Variants in GNAI3 observed in about 807,000 individuals in gnomAD.
GNAI3 encodes G protein subunit alpha i3, also known as guanine nucleotide-binding protein G(i) subunit alpha-3.
In GNAI3, 12 loss-of-function variants were observed where a neutral mutation model predicts 41.8. That is an observed-to-expected ratio of 0.29 (90% CI 0.18 to 0.47). The LOEUF is 0.47. GNAI3 is among the 20% of genes least tolerant of loss of function. GNAI3 has a pLI of 1.00. For missense variants in GNAI3, 360 were observed against 429.6 expected (o/e 0.84, Z 1.43); for synonymous variants, 132 against 146.5 (o/e 0.90, Z 0.71).
intron 1 of GNAI3, among the ~76,000 whole-genome samples, chr1:109,560,136 A>G (rs975852867): frequency 6.6e-6 from 1 of 152,212 alleles, no homozygotes; most frequent in African/African-American, 2.4e-5. Flanking sequence ...TAGATACCTA[A>G]AAGTTTAAGA....
Position 109,586,861 on chromosome 1 carries a change from A to G in GNAI3, c.853A>G (p.Ile285Val), listed in dbSNP as rs1331410451. ...EEKIKRSPLT[I>V]CYPEYTGSNT... ...AAAAATAAAGAGGAGTCCGTTAACT[A>G]TCTGTTATCCAGAATACACAGGTAA... The change falls in exon 7 of 9, where the codon ATC (isoleucine) becomes GTC (valine). Residue 285 changes from isoleucine (I) to valine (V), a missense_variant. By Grantham distance (29) the Ile-to-Val change is conservative. Transcript: ENST00000369851. 1.2e-6 allele frequency: 2 copies of G among 1,601,926 alleles called. No homozygotes were observed. Among genetic ancestry groups the G allele is most frequent in the East Asian group, 4.5e-5 (2 of 44,762 alleles).
At chr1:109,574,245 T>G (rs1003396984) in intron 3 of GNAI3, among the ~76,000 whole-genome samples, 6 of 152,062 alleles carry the variant, frequency 3.9e-5, no homozygotes, top group Non-Finnish European at 8.8e-5. Flanking sequence ...GGAAATGGGA[T>G]TCTGTGGGTG....
chr1:109,549,303 A>G (rs1276674360), intron 1 of GNAI3, among the ~76,000 whole-genome samples: 3 of 151,866 alleles, frequency 2.0e-5, no homozygotes, highest in Non-Finnish European at 4.4e-5. Context: ...TGGATGGTAC[A>G]GAGACTGGAA....
Position 109,598,833 on chromosome 1 carries a change from T to C in GNAI3, c.*6511T>C, listed in dbSNP as rs1486666960. ...TTTACCTAGCAGGACCACCAGAGGC[T>C]CTGTCACACTTGCAGTCCCTGGCCC... On this transcript the variant is annotated 3_prime_UTR_variant, in exon 9 of 9. Coordinates refer to ENST00000369851, the MANE Select transcript of GNAI3 (RefSeq NM_006496.4). 5.7e-6 allele frequency: 3 copies of C among 525,394 alleles called. No homozygotes were observed. The highest frequency in any genetic ancestry group is 1.2e-5 in the Non-Finnish European group (3 of 252,680). The allele number at this position is 525,394 out of a possible 1,614,324, so 32.5% of individuals were successfully genotyped here.
chr1:109,566,723 G>C (rs958663091), intron 1 of GNAI3, among the ~76,000 whole-genome samples: 3 of 152,062 alleles, frequency 2.0e-5, no homozygotes, highest in African/African-American at 7.2e-5. Flanking sequence ...CACCATACCT[G>C]GCTAATTTTT....
intron 1 of GNAI3, among the ~76,000 whole-genome samples, chr1:109,564,989 G>A (rs1648412163): frequency 1.3e-5 from 2 of 152,038 alleles, no homozygotes; most frequent in Non-Finnish European, 1.5e-5. Context: ...ATAGCCAGGC[G>A]CGGTGGCTCA....
At chr1:109,569,113 C>T (rs1017927299) in intron 1 of GNAI3, among the ~76,000 whole-genome samples, 1 of 152,184 alleles carries the variant, frequency 6.6e-6, no homozygotes, top group Non-Finnish European at 1.5e-5. Flanking sequence ...ATCTCCGTGA[C>T]TTCACCTCTC....
chr1:109,560,035 A>T (rs1393388179), intron 1 of GNAI3, among the ~76,000 whole-genome samples: 1 of 152,228 alleles, frequency 6.6e-6, no homozygotes, highest in Non-Finnish European at 1.5e-5. Flanking sequence ...TGTTTGACTT[A>T]TACCTGAATA....
chr1:109,553,750 G>A (rs1648066709), intron 1 of GNAI3, among the ~76,000 whole-genome samples: 1 of 152,174 alleles, frequency 6.6e-6, no homozygotes, highest in South Asian at 2.1e-4. Context: ...AACAGGTTAT[G>A]TTTGGTTACG....
Position 109,598,432 on chromosome 1 carries a change from C to G in GNAI3, c.*6110C>G, listed in dbSNP as rs1283538063. The G allele has an allele frequency of 6.5e-6, 1 of 153,320 alleles. No individual in the cohort carries two copies. The highest frequency in any genetic ancestry group is 1.5e-5 in the Non-Finnish European group (1 of 68,830). The allele number at this position is 153,320 out of a possible 1,614,324, so 9.5% of individuals were successfully genotyped here. On this transcript the variant is annotated 3_prime_UTR_variant, in exon 9 of 9. Transcript: ENST00000369851. ...TAAAGATGGACTAAATTATTCCTTC[C>G]TGCTGTGATATTCTGTGGTTCTCAT...
rs1649210098 is a variant in GNAI3, at chr1:109,593,064, A to G, written c.*742A>G. 1 of 152,616 alleles carries G rather than the reference A, an allele frequency of 6.6e-6. No homozygotes were observed. The highest frequency in any genetic ancestry group is 1.5e-5 in the Non-Finnish European group (1 of 68,038). The allele number at this position is 152,616 out of a possible 1,614,324, so 9.5% of individuals were successfully genotyped here. A position where few individuals can be genotyped will look rare whatever the true frequency, so the allele number is the denominator to read the frequency against. The stretch of plus-strand genomic sequence containing the variant: ...TTAACCTTGTTTGTGCAGATTACCA[A>G]ATTACTGCTGATGTAGTATGATAAA... On this transcript the variant is annotated 3_prime_UTR_variant, in exon 9 of 9. Coordinates refer to ENST00000369851, the MANE Select transcript of GNAI3 (RefSeq NM_006496.4).
rs1407780609 is a variant in GNAI3, at chr1:109,548,791, G to A, written c.71G>A (p.Arg24Gln). ...ERSKMIDRNL[R>Q]EDGEKAAKEV... ...AGCAAGATGATCGACCGCAACTTAC[G>A]GGAGGACGGGGAAAAAGCGGCCAAA... The change falls in exon 1 of 9, where the codon CGG becomes CAG. Residue 24 changes from arginine to glutamine, a missense_variant. Physicochemically the swap from Arg to Gln is conservative, Grantham distance 43 (BLOSUM62 1). Coordinates refer to ENST00000369851, the MANE Select transcript of GNAI3 (RefSeq NM_006496.4). The A allele has an allele frequency of 6.2e-7, 1 of 1,612,858 alleles. No homozygotes were observed. The highest frequency in any genetic ancestry group is 1.7e-5 in the Admixed American group (1 of 59,874).
Position 109,599,859 on chromosome 1 carries a change from C to T in GNAI3, c.*7537C>T, listed in dbSNP as rs1649400722. ...GGAGCTTAGAAGAACAAGAAATTGG[C>T]TTTGATTTTATAGTGTATGGTGCTC... On this transcript the variant is annotated 3_prime_UTR_variant, in exon 9 of 9. Coordinates refer to ENST00000369851, the MANE Select transcript of GNAI3 (RefSeq NM_006496.4). The T allele has an allele frequency of 6.6e-6, 1 of 152,134 alleles. No homozygotes were observed. The highest frequency in any genetic ancestry group is 2.4e-5 in the African/African-American group (1 of 41,440). The allele number at this position is 152,134 out of a possible 1,614,324, so 9.4% of individuals were successfully genotyped here.
In GNAI3 at chr1:109,573,760, A is replaced by G. The variant is rs1264163466; in HGVS notation, c.142A>G (p.Thr48Ala). 6.2e-7 allele frequency: 1 copy of G among 1,612,456 alleles called. No individual in the cohort carries two copies. The highest frequency in any genetic ancestry group is 8.5e-7 in the Non-Finnish European group (1 of 1,178,514). Residue 48 changes from threonine to alanine, a missense_variant, in exon 2 of 9, where the codon ACC becomes GCC. Physicochemically the swap from Thr to Ala is moderately conservative, Grantham distance 58. Coordinates refer to ENST00000369851, the MANE Select transcript of GNAI3 (RefSeq NM_006496.4). Reference protein sequence around the residue: ...LLGAGESGKSTIVKQMKIIHE... With the variant: ...LLGAGESGKSAIVKQMKIIHE... ...AGGTGCTGGAGAATCTGGTAAAAGC[A>G]CCATTGTGAAACAGATGAAGTAAGT... is the stretch of plus-strand genomic sequence containing the variant.
At chr1:109,568,360 T>C (rs962020919) in intron 1 of GNAI3, among the ~76,000 whole-genome samples, 1 of 151,842 alleles carries the variant, frequency 6.6e-6, no homozygotes, top group Non-Finnish European at 1.5e-5. Flanking sequence ...ATAGTGAGAC[T>C]TCATCTCTAC....
chr1:109,548,988 T>C (rs1647905320), intron 1 of GNAI3, 150 bp downstream of exon 1: 2 of 456,504 alleles, frequency 4.4e-6, no homozygotes, highest in South Asian at 3.1e-5. Context: ...GGTTCCTAGC[T>C]GAGGCCCCAG....
In GNAI3 at chr1:109,548,630, C is replaced by A; in HGVS notation, c.-91C>A. The A allele has an allele frequency of 1.2e-6, 1 of 839,342 alleles. No homozygotes were observed. Among genetic ancestry groups the A allele is most frequent in the Non-Finnish European group, 2.0e-6 (1 of 510,156 alleles). The allele number at this position is 839,342 out of a possible 1,614,324, so 52.0% of individuals were successfully genotyped here. On this transcript the variant is annotated 5_prime_UTR_variant, in exon 1 of 9. Transcript: ENST00000369851. ...TAAGGGAGCTGACGGAGAGGGCCAC[C>A]GCCCAGCAATAGACGGTGCCTCAGC... is the stretch of plus-strand genomic sequence containing the variant.
chr1:109,550,802 G>A (rs1053891857), intron 1 of GNAI3, among the ~76,000 whole-genome samples: 4 of 152,162 alleles, frequency 2.6e-5, no homozygotes, highest in Admixed American at 1.3e-4. Context: ...CAAAGTGCTG[G>A]GATTATAGGC....
intron 1 of GNAI3, among the ~76,000 whole-genome samples, chr1:109,553,384 A>G (rs139040573): frequency 6.1e-4 from 93 of 152,320 alleles, no homozygotes; most frequent in African/African-American, 2.2e-3. Flanking sequence ...TGGTGGTAGT[A>G]TGGCAAAAAG....
Sources: allele counts gnomAD v4.1 joint callset (sites outside exome capture counted in the v4.1 genomes callset), GRCh38; gene constraint gnomAD v4.1.1; transcripts MANE v1.5; gene names NCBI Gene and HGNC (gene_info 2026-07-23, HGNC 2026-07-21).